The following DBNL variants were observed in gnomAD, a reference collection of about 807,000 sequenced individuals.
DBNL encodes drebrin like.
Under a neutral mutation model 62.2 loss-of-function variants are expected in DBNL, and 35 were observed. The ratio of observed to expected loss-of-function variants is 0.56; its 90% CI spans 0.43 to 0.75. The LOEUF is 0.75. Ranked by LOEUF, DBNL falls within the 30% of genes least tolerant of loss-of-function variation. The probability of loss-of-function intolerance (pLI) is 0.00; values close to 1 mark genes in which losing one functional copy is unlikely to be tolerated. For missense variants in DBNL, 495 were observed against 578.4 expected, an observed-to-expected ratio of 0.86 and a Z score of 1.48; for synonymous variants, 197 against 218.0, an observed-to-expected ratio of 0.90 and a Z score of 0.85.
intron 1 of DBNL, among the ~76,000 whole-genome samples, chr7:44,046,188 A>C (rs1194698879): frequency 6.6e-6 from 1 of 152,134 alleles, no homozygotes; most frequent in East Asian, 1.9e-4. Flanking sequence ...ACATCATACC[A>C]CTTGGCTTTA....
At position 44,064,751 on chromosome 7, in the gene DBNL, GGCGAGAGACTTTGCTGAGATGA is replaced by G; in HGVS notation, c.*3837_*3858del. 1 of 1,251,152 alleles carries G rather than the reference GGCGAGAGACTTTGCTGAGATGA, an allele frequency of 8.0e-7. No homozygotes were observed. 77.5% of individuals were successfully genotyped at this position (1,251,152 alleles called of 1,614,324 possible). A position where few individuals can be genotyped will look rare whatever the true frequency, so the allele number is the denominator to read the frequency against. ...CCACGCCTAGAAAGCCTGGTCCATG[GGCGAGAGACTTTGCTGAGATGA>G]GAAGCCAGCTGGGGCTGCTGCCCAC... On this transcript the variant is annotated 3_prime_UTR_variant, in exon 13 of 13. Coordinates refer to ENST00000448521, the MANE Select transcript of DBNL (RefSeq NM_001014436.3).
At position 44,063,271 on chromosome 7, in the gene DBNL, T is replaced by G. The variant is rs532110114; in HGVS notation, c.*2355T>G. The G allele has an allele frequency of 5.9e-6, 2 of 336,682 alleles. No homozygotes were observed. Among genetic ancestry groups the G allele is most frequent in the South Asian group, 6.1e-5 (2 of 32,700 alleles). The allele number at this position is 336,682 out of a possible 1,614,324, so 20.9% of individuals were successfully genotyped here. A position where few individuals can be genotyped will look rare whatever the true frequency, so the allele number is the denominator to read the frequency against. On this transcript the variant is annotated 3_prime_UTR_variant, in exon 13 of 13. Transcript: ENST00000448521. ...AGGGACACTCACCCTTTGTTTTTTT[T>G]TTTTCTTTTCTTTTTCTTTTTCTTT...
Position 44,064,793 on chromosome 7 carries a change from G to GGCCACCCC in DBNL, c.*3877_*3878insGCCACCCC. The GGCCACCCC allele has an allele frequency of 8.8e-7, 1 of 1,136,982 alleles. No individual in the cohort carries two copies. Among genetic ancestry groups the GGCCACCCC allele is most frequent in the Non-Finnish European group, 1.3e-6 (1 of 773,400 alleles). 70.4% of individuals were successfully genotyped at this position (1,136,982 alleles called of 1,614,324 possible). A position where few individuals can be genotyped will look rare whatever the true frequency, so the allele number is the denominator to read the frequency against. ...AGATGAGAAGCCAGCTGGGGCTGCTGCCCACCCACCCTGCCCAGGCTCCTG... is the reference window on the plus strand; with the variant it reads ...AGATGAGAAGCCAGCTGGGGCTGCTGGCCACCCCCCCACCCACCCTGCCCAGGCTCCTG... On this transcript the variant is annotated 3_prime_UTR_variant, in exon 13 of 13. Coordinates refer to ENST00000448521, the MANE Select transcript of DBNL (RefSeq NM_001014436.3).
In DBNL at chr7:44,060,838, C is replaced by T. The variant is rs776468551; in HGVS notation, c.1215C>T (p.Asp405=). 15 of 1,613,958 alleles carry T rather than the reference C, an allele frequency of 9.3e-6. No individual in the cohort carries two copies. The highest frequency in any genetic ancestry group is 2.2e-5 in the East Asian group (1 of 44,886). Residue 405 remains aspartate, a synonymous_variant, in exon 13 of 13, where the codon GAC becomes GAT. Coordinates refer to ENST00000448521, the MANE Select transcript of DBNL (RefSeq NM_001014436.3). The surrounding 1 kb of genome is among the most constrained non-coding windows in gnomAD (Gnocchi z 6.3). ...ENLITGIEVI[D]EGWWRGYGPD... The stretch of plus-strand genomic sequence containing the variant: ...TCATCACGGGCATCGAGGTGATCGA[C>T]GAAGGCTGGTGGCGTGGCTATGGGC...
chr7:44,062,788 C>A lies in DBNL; in HGVS notation c.*1872C>A. 6.2e-7 allele frequency: 1 copy of A among 1,614,186 alleles called. No individual in the cohort carries two copies. Among genetic ancestry groups the A allele is most frequent in the Non-Finnish European group, 8.5e-7 (1 of 1,180,042 alleles). ...CTCACTTGGCCTTGCCCTGGGCAGC[C>A]ACAGCCTCCATGGCCTTCCGCACCG... On this transcript the variant is annotated 3_prime_UTR_variant, in exon 13 of 13. Transcript: ENST00000448521.
Position 44,065,497 on chromosome 7 carries a change from G to A in DBNL, c.*4581G>A, listed in dbSNP as rs759917797. On this transcript the variant is annotated 3_prime_UTR_variant, in exon 13 of 13. Transcript: ENST00000448521. ...TCTCCTGGTTCCATGTGCTCTCGCC[G>A]TGCCGGACCATCACGAGGCGGTGAG... 18 of 1,613,882 alleles carry A rather than the reference G, an allele frequency of 1.1e-5. No individual in the cohort carries two copies. The highest frequency in any genetic ancestry group is 6.7e-5 in the East Asian group (3 of 44,892).
intron 2 of DBNL, 65 bp downstream of exon 2, chr7:44,050,345 C>A: frequency 6.4e-7 from 1 of 1,567,410 alleles, no homozygotes; most frequent in Non-Finnish European, 8.8e-7. Flanking sequence ...GAGGGGTCAG[C>A]GCACTCAGCT....
rs1256034148 is a variant in DBNL, at chr7:44,060,134, C to T, written c.1134C>T (p.Ala378=). Residue 378 remains alanine, a synonymous_variant, in exon 12 of 13, where the codon GCC becomes GCT. Coordinates refer to ENST00000448521, the MANE Select transcript of DBNL (RefSeq NM_001014436.3). This position sits in a 1 kb window ranked among gnomAD's most constrained non-coding sequence, Gnocchi z 6.3. ...GTGGGCAAGGGCTCTGTGCCCGTGC[C>T]CTGTACGACTACCAGGCAGGTAAGG... ...GLSGQGLCAR[A]LYDYQAADDT... The T allele has an allele frequency of 1.2e-6, 2 of 1,612,040 alleles. No individual in the cohort carries two copies. The highest frequency in any genetic ancestry group is 1.7e-5 in the Admixed American group (1 of 59,974).
rs1171972940 is a variant in DBNL, at chr7:44,052,948, C to G, written c.327+7C>G. The G allele has an allele frequency of 1.9e-6, 3 of 1,611,258 alleles. No individual in the cohort carries two copies. Among genetic ancestry groups the G allele is most frequent in the South Asian group, 2.2e-5 (2 of 90,764 alleles). ...CATGGCCAGCTTCCTGAAGGTAAGGCCAGGTGAGGCCCGCTTCACTGGGAA... is the reference window on the plus strand; with the variant it reads ...CATGGCCAGCTTCCTGAAGGTAAGGGCAGGTGAGGCCCGCTTCACTGGGAA... On this transcript the variant is annotated splice_region_variant and intron_variant, in intron 4 of 12. Transcript: ENST00000448521.
At position 44,063,233 on chromosome 7, in the gene DBNL, T is replaced by C. The variant is rs954174535; in HGVS notation, c.*2317T>C. 1.7e-5 allele frequency: 8 copies of C among 464,606 alleles called. No homozygotes were observed. Among genetic ancestry groups the C allele is most frequent in the Non-Finnish European group, 3.2e-5 (8 of 252,624 alleles). 28.8% of individuals were successfully genotyped at this position (464,606 alleles called of 1,614,324 possible). On this transcript the variant is annotated 3_prime_UTR_variant, in exon 13 of 13. Transcript: ENST00000448521. Reference sequence around the variant, plus strand: ...CAGTGTGACTCCAGCCAGACTGAAGTTGAGGGTCAGGAAGGGACACTCACC... The same window carrying C: ...CAGTGTGACTCCAGCCAGACTGAAGCTGAGGGTCAGGAAGGGACACTCACC...
chr7:44,059,710 C>G lies in DBNL; in HGVS notation c.1047+52C>G. 1 of 1,500,902 alleles carries G rather than the reference C, an allele frequency of 6.7e-7. No individual in the cohort carries two copies. Among genetic ancestry groups the G allele is most frequent in the Non-Finnish European group, 8.9e-7 (1 of 1,119,822 alleles). The allele number at this position is 1,500,902 out of a possible 1,614,324, so 93.0% of individuals were successfully genotyped here. The stretch of plus-strand genomic sequence containing the variant: ...CAGGAAGGGGCTGCATACTCAGGAA[C>G]ACTTATCACGGGCCGCCTGAGTTTT... On this transcript the variant is annotated intron_variant, in intron 11 of 12. Transcript: ENST00000448521. The surrounding 1 kb of genome is among the most constrained non-coding windows in gnomAD (Gnocchi z 4.1).
chr7:44,057,606 C>T (rs1422753363), intron 5 of DBNL, among the ~76,000 whole-genome samples, 176 bp from the exon 6 acceptor site: 1 of 152,174 alleles, frequency 6.6e-6, no homozygotes, highest in Admixed American at 6.5e-5. Context: ...TCTTTCAGGT[C>T]ATCTTGGTGT....
chr7:44,065,985 G>A lies in DBNL; in HGVS notation c.*5069G>A. On this transcript the variant is annotated 3_prime_UTR_variant, in exon 13 of 13. Coordinates refer to ENST00000448521, the MANE Select transcript of DBNL (RefSeq NM_001014436.3). ...CCCTTTCTCCTGTGATTGGCAGCCAGGCTAGGAGGCGGCCCTCAGCAGGCA... is the reference window on the plus strand; with the variant it reads ...CCCTTTCTCCTGTGATTGGCAGCCAAGCTAGGAGGCGGCCCTCAGCAGGCA... 1 of 285,050 alleles carries A rather than the reference G, an allele frequency of 3.5e-6. No individual in the cohort carries two copies. Among genetic ancestry groups the A allele is most frequent in the Non-Finnish European group, 6.9e-6 (1 of 144,166 alleles). 17.7% of individuals were successfully genotyped at this position (285,050 alleles called of 1,614,324 possible). A position where few individuals can be genotyped will look rare whatever the true frequency, so the allele number is the denominator to read the frequency against.
intron 1 of DBNL, 65 bp downstream of exon 1, chr7:44,044,885 A>G: frequency 6.7e-6 from 8 of 1,199,494 alleles, no homozygotes; most frequent in Non-Finnish European, 6.4e-6. Flanking sequence ...GTCTGGGGCG[A>G]GCGGGGGACT....
chr7:44,060,879 G>A lies in DBNL; in HGVS notation c.1256G>A (p.Gly419Asp). Reference protein sequence around the residue: ...WRGYGPDGHFGMFPANYVELI... With the variant: ...WRGYGPDGHFDMFPANYVELI... ...GGCTATGGGCCGGATGGCCATTTTG[G>A]CATGTTCCCTGCCAACTACGTGGAG... Residue 419 changes from glycine (G) to aspartate (D), a missense_variant, in exon 13 of 13, where the codon GGC becomes GAC. Transcript: ENST00000448521. This position sits in a 1 kb window ranked among gnomAD's most constrained non-coding sequence, Gnocchi z 6.3. The A allele has an allele frequency of 6.2e-7, 1 of 1,614,094 alleles. No individual in the cohort carries two copies. Among genetic ancestry groups the A allele is most frequent in the Non-Finnish European group, 8.5e-7 (1 of 1,179,998 alleles).
chr7:44,054,298 T>C (rs1474606346), intron 4 of DBNL, among the ~76,000 whole-genome samples: 2 of 152,152 alleles, frequency 1.3e-5, no homozygotes, highest in African/African-American at 4.8e-5. Context: ...GTTCAAGTGA[T>C]TTTCCTGCCT....
rs753379995 is a variant in DBNL, at chr7:44,062,301, C to T, written c.*1385C>T. Reference sequence around the variant, plus strand: ...AGCTTTGAGGCCCCCTGTGGGCTTGCCTGTCCCAACCCAAGAGGCAGGGCT... The same window carrying T: ...AGCTTTGAGGCCCCCTGTGGGCTTGTCTGTCCCAACCCAAGAGGCAGGGCT... On this transcript the variant is annotated 3_prime_UTR_variant, in exon 13 of 13. Transcript: ENST00000448521. 17 of 212,642 alleles carry T rather than the reference C, an allele frequency of 8.0e-5. No homozygotes were observed. Among genetic ancestry groups the T allele is most frequent in the Non-Finnish European group, 1.6e-4 (16 of 103,148 alleles). 13.2% of individuals were successfully genotyped at this position (212,642 alleles called of 1,614,324 possible). A position where few individuals can be genotyped will look rare whatever the true frequency, so the allele number is the denominator to read the frequency against.
chr7:44,065,054 G>C lies in DBNL; in HGVS notation c.*4138G>C. 2.5e-6 allele frequency: 4 copies of C among 1,609,626 alleles called. No homozygotes were observed. The highest frequency in any genetic ancestry group is 3.4e-6 in the Non-Finnish European group (4 of 1,179,798). Reference sequence around the variant, plus strand: ...CGCTGCTTTCCCTCCCAAGCCAGTGGGCCCCCACCCGACTCCCCACTCTGC... The same window carrying C: ...CGCTGCTTTCCCTCCCAAGCCAGTGCGCCCCCACCCGACTCCCCACTCTGC... On this transcript the variant is annotated 3_prime_UTR_variant, in exon 13 of 13. Coordinates refer to ENST00000448521, the MANE Select transcript of DBNL (RefSeq NM_001014436.3).
rs4236373 is a variant in DBNL, at chr7:44,068,098, T to C, written c.*7182T>C. On this transcript the variant is annotated 3_prime_UTR_variant, in exon 13 of 13. Coordinates refer to ENST00000448521, the MANE Select transcript of DBNL (RefSeq NM_001014436.3). ...ACGGTAGTGTGAGCTGGGTACGCAC[T>C]TGAAACCTGAGAGGGTAACGCTACC... The C allele has an allele frequency of 0.29, 44,548 of 151,976 alleles. 7,150 individuals are homozygous for C. The highest frequency in any genetic ancestry group is 0.42 in the African/African-American group (17,495 of 41,418). 9.4% of individuals were successfully genotyped at this position (151,976 alleles called of 1,614,324 possible).
Sources: gnomAD v4.1 joint callset for allele counts (sites outside exome capture counted in the v4.1 genomes callset) on GRCh38, gnomAD v4.1.1 for gene constraint, Gnocchi (gnomAD v3.1) non-coding constraint, MANE v1.5 for transcripts, NCBI Gene and HGNC (gene_info 2026-07-23, HGNC 2026-07-21) for gene names.